Variants in PPP1R9A observed in about 807,000 individuals in gnomAD.
The protein encoded by PPP1R9A is protein phosphatase 1 regulatory subunit 9A.
A neutral mutation model predicts 141.9 loss-of-function variants in PPP1R9A; 59 were observed. The ratio of observed to expected loss-of-function variants is 0.42; its 90% CI spans 0.34 to 0.52. The LOEUF (loss-of-function observed/expected upper bound fraction) is 0.52, where lower values mean the gene tolerates loss of function less well. PPP1R9A is among the 20% of genes least tolerant of loss of function. The probability of loss-of-function intolerance (pLI) is 0.10; values close to 1 mark genes in which losing one functional copy is unlikely to be tolerated. For missense variants in PPP1R9A, 1,444 were observed against 1,611.9 expected (o/e 0.90, Z 1.78); for synonymous variants, 500 against 569.7 (o/e 0.88, Z 1.74).
chr7:95,022,028 G>A (rs1264711808), intron 2 of PPP1R9A, among the ~76,000 whole-genome samples: 2 of 152,246 alleles, frequency 1.3e-5, no homozygotes, highest in East Asian at 3.9e-4. Flanking sequence ...GTAGCTTGAT[G>A]GGAATCACAC....
intron 2 of PPP1R9A, among the ~76,000 whole-genome samples, chr7:94,952,565 CCCA>C (rs1471452158): frequency 6.6e-6 from 1 of 152,134 alleles, no homozygotes; most frequent in African/African-American, 2.4e-5. Context: ...AATTTACACA[CCCA>C]CCAACAGTGT....
At chr7:95,144,376 T>A (rs1251988728) in intron 4 of PPP1R9A, among the ~76,000 whole-genome samples, 1 of 152,210 alleles carries the variant, frequency 6.6e-6, no homozygotes, top group Non-Finnish European at 1.5e-5. Flanking sequence ...AAAATCACAT[T>A]TTCTTTATCC....
At chr7:95,166,148 CAAAAAAAAAA>C (rs201112181) in intron 5 of PPP1R9A, among the ~76,000 whole-genome samples, 4 of 104,438 alleles carry the variant, frequency 3.8e-5, no homozygotes. Context: ...AACTCCATTT[CAAAAAAAAAA>C]AAAAAAAAGA....
chr7:95,032,909 C>T (rs1287816185), intron 2 of PPP1R9A, among the ~76,000 whole-genome samples: 1 of 152,046 alleles, frequency 6.6e-6, no homozygotes, highest in Non-Finnish European at 1.5e-5. Context: ...AACCACTGTT[C>T]CTGATTTAAC....
rs147153838 is a variant in PPP1R9A at position 95,025,960 on chromosome 7, A to C, written c.1396-85299A>C. On this transcript the variant is annotated intron_variant, in intron 2 of 19. Transcript: ENST00000433360. Reference sequence around the variant, plus strand: ...TGTTCTTCTCTAAACTGGTTATTCTAGTTAGCAAATTCCTCTGTCCTTTTA... The same window carrying C: ...TGTTCTTCTCTAAACTGGTTATTCTCGTTAGCAAATTCCTCTGTCCTTTTA... Among the ~76,000 whole-genome samples, 989 of 152,214 alleles carry C rather than the reference A, an allele frequency of 6.5e-3. 13 individuals are homozygous for C. Among genetic ancestry groups the C allele is most frequent in the African/African-American group, 0.023 (944 of 41,536 alleles).
At chr7:94,985,967 A>G (rs538410924) in intron 2 of PPP1R9A, among the ~76,000 whole-genome samples, 2 of 152,184 alleles carry the variant, frequency 1.3e-5, no homozygotes, top group Non-Finnish European at 2.9e-5. Context: ...GAGACATAAT[A>G]GCTTTTTTCA....
rs138434520 is a variant in PPP1R9A at position 95,108,397 on chromosome 7, G to A, written c.1396-2862G>A. Among the ~76,000 whole-genome samples, 1,106 of 121,564 alleles carry A rather than the reference G, an allele frequency of 9.1e-3. 13 individuals carry two copies. The highest frequency in any genetic ancestry group is 0.032 in the African/African-American group (1,036 of 31,880). The allele number at this position is 121,564 out of a possible 152,430, so 79.8% of individuals were successfully genotyped here. A position where few individuals can be genotyped will look rare whatever the true frequency, so the allele number is the denominator to read the frequency against. ...GGCGCGGGAGCTCACTGCAATCTCC[G>A]CCTCCTGGGTTCATGCCATTCTCCT... On this transcript the variant is annotated intron_variant, in intron 2 of 19. Transcript: ENST00000433360.
At chr7:94,923,118 C>A (rs895044555) in intron 2 of PPP1R9A, among the ~76,000 whole-genome samples, 3 of 152,152 alleles carry the variant, frequency 2.0e-5, no homozygotes, top group African/African-American at 7.2e-5. Context: ...ATTGATCCCA[C>A]ATTTGTGGCT....
At chr7:95,230,105 G>A (rs1795712488) in intron 8 of PPP1R9A, among the ~76,000 whole-genome samples, 1 of 152,132 alleles carries the variant, frequency 6.6e-6, no homozygotes, top group Admixed American at 6.5e-5. Context: ...CCATTCCTAG[G>A]GTAAGGGAGA....
At chr7:94,989,176 TG>T (rs975134944) in intron 2 of PPP1R9A, among the ~76,000 whole-genome samples, 1 of 151,994 alleles carries the variant, frequency 6.6e-6, no homozygotes, top group African/African-American at 2.4e-5. Context: ...GAACCATATG[TG>T]AAAAAAAACC....
chr7:95,230,273 G>T (rs944171063), intron 8 of PPP1R9A, among the ~76,000 whole-genome samples: 9 of 152,134 alleles, frequency 5.9e-5, no homozygotes, highest in African/African-American at 2.2e-4. Context: ...ACCCCCAAAA[G>T]ATCATACCAG....
At chr7:94,987,728 CA>C (rs1205399217) in intron 2 of PPP1R9A, among the ~76,000 whole-genome samples, 3 of 151,990 alleles carry the variant, frequency 2.0e-5, no homozygotes, top group Non-Finnish European at 4.4e-5. Flanking sequence ...ATGTATGAGC[CA>C]TTTTTTAACT....
chr7:95,128,093 T>C (rs1332460480), intron 4 of PPP1R9A, among the ~76,000 whole-genome samples: 1 of 152,256 alleles, frequency 6.6e-6, no homozygotes, highest in East Asian at 1.9e-4. Context: ...ATCTTTAAAC[T>C]GCCTGCCACA....
intron 14 of PPP1R9A, among the ~76,000 whole-genome samples, chr7:95,273,193 C>T (rs1802494875): frequency 6.6e-6 from 1 of 152,204 alleles, no homozygotes; most frequent in African/African-American, 2.4e-5. Flanking sequence ...GATCAGTCTG[C>T]TCTGAACACT....
chr7:95,075,249 C>T (rs1426364509), intron 2 of PPP1R9A, among the ~76,000 whole-genome samples: 2 of 152,030 alleles, frequency 1.3e-5, no homozygotes, highest in African/African-American at 2.4e-5. Flanking sequence ...AATATCTTTG[C>T]CAACACAGGA....
intron 2 of PPP1R9A, among the ~76,000 whole-genome samples, chr7:95,030,336 T>A (rs1807491806): frequency 6.6e-6 from 1 of 152,192 alleles, no homozygotes; most frequent in Non-Finnish European, 1.5e-5. Context: ...TTATCTTAGT[T>A]CACTTTAATT....
At chr7:95,113,169 A>T (rs1365360484) in intron 3 of PPP1R9A, among the ~76,000 whole-genome samples, 1 of 152,226 alleles carries the variant, frequency 6.6e-6, no homozygotes, top group East Asian at 1.9e-4. Flanking sequence ...ATTGAAAAGG[A>T]TAGTTATTGT....
At chr7:95,008,031 C>G (rs1215872674) in intron 2 of PPP1R9A, among the ~76,000 whole-genome samples, 1 of 152,124 alleles carries the variant, frequency 6.6e-6, no homozygotes, top group Non-Finnish European at 1.5e-5. Flanking sequence ...GAGATTATGC[C>G]ATTGCGCTTC....
chr7:95,163,088 G>T (rs567110866), intron 5 of PPP1R9A, among the ~76,000 whole-genome samples: 56 of 152,240 alleles, frequency 3.7e-4, no homozygotes, highest in African/African-American at 1.3e-3. Flanking sequence ...TCCCATGTCT[G>T]TATAGAACTT....
Sources: allele counts gnomAD v4.1 joint callset (sites outside exome capture counted in the v4.1 genomes callset), GRCh38; gene constraint gnomAD v4.1.1; transcripts MANE v1.5; gene names NCBI Gene and HGNC (gene_info 2026-07-23, HGNC 2026-07-21).